The following ZNF396 variants were observed in gnomAD, a reference collection of about 807,000 sequenced individuals.
The protein encoded by ZNF396 is zinc finger protein 396.
In ZNF396, 14 loss-of-function variants were observed where a neutral mutation model predicts 20.5. That is an observed-to-expected ratio of 0.68 (90% confidence interval 0.45 to 1.07). The LOEUF is 1.07. Among genes scored for constraint, ZNF396 ranks in the 50% least tolerant of loss-of-function variants. The pLI, the probability that ZNF396 is intolerant of heterozygous loss-of-function variation, is 0.00. For missense variants in ZNF396, 347 were observed against 390.1 expected (o/e 0.89, Z 0.93); for synonymous variants, 119 against 140.6 (o/e 0.85, Z 1.08).
chr18:35,373,258 T>G, intron 3 of ZNF396, 198 bp downstream of exon 3: 1 of 615,204 alleles, frequency 1.6e-6, no homozygotes, highest in African/African-American at 1.9e-5. Flanking sequence ...GTCTGAAGAT[T>G]TTATAAGAAT....
chr18:35,374,485 A>C lies in ZNF396; in HGVS notation c.-72-121T>G. ...AACTACTGACCTTAGTCTTAACAGA[A>C]ACCATGCTTTTATTTATTTATTTAT... is the stretch of plus-strand genomic sequence containing the variant. On this transcript the variant is annotated intron_variant, in intron 1 of 3. Coordinates refer to ENST00000589332, the MANE Select transcript of ZNF396 (RefSeq NM_001322286.2). The surrounding 1 kb of genome is among the most constrained non-coding windows in gnomAD (Gnocchi z 4.3). 2.0e-6 allele frequency: 1 copy of C among 507,828 alleles called. No individual in the cohort carries two copies. Among genetic ancestry groups the C allele is most frequent in the South Asian group, 2.9e-5 (1 of 34,716 alleles). The allele number at this position is 507,828 out of a possible 1,614,324, so 31.5% of individuals were successfully genotyped here.
Position 35,369,391 on chromosome 18 carries a change from G to C in ZNF396, c.832C>G (p.Pro278Ala). The change falls in exon 4 of 4, where the codon CCT (proline) becomes GCT (alanine). Residue 278 changes from proline (P) to alanine (A), a missense_variant. Pro to Ala is a conservative substitution (Grantham distance 27). Transcript: ENST00000589332. Reference protein sequence around the residue: ...LHQRIHSGKKPYACDECAKAF... With the variant: ...LHQRIHSGKKAYACDECAKAF... ...TTTGCACACTCGTCACATGCATAAG[G>C]TTTCTTTCCACTGTGGATTCTCTGA... The C allele has an allele frequency of 6.2e-7, 1 of 1,614,160 alleles. No homozygotes were observed. Among genetic ancestry groups the C allele is most frequent in the East Asian group, 2.2e-5 (1 of 44,890 alleles).
At chr18:35,376,969 C>T (rs1474123934) in intron 1 of ZNF396, among the ~76,000 whole-genome samples, 8 of 152,086 alleles carry the variant, frequency 5.3e-5, no homozygotes, top group African/African-American at 1.9e-4. Flanking sequence ...CCGCGCCCAC[C>T]GCGCCGCGCC....
In ZNF396 at chr18:35,367,582, A is replaced by C. The variant is rs1406353333; in HGVS notation, c.*1633T>G. Reference sequence around the variant, plus strand: ...GTAACATTACAGAGTTTTATCAAGAATCTCTGGAAAATAGATAATTTTGTT... The same window carrying C: ...GTAACATTACAGAGTTTTATCAAGACTCTCTGGAAAATAGATAATTTTGTT... On this transcript the variant is annotated 3_prime_UTR_variant, in exon 4 of 4. Transcript: ENST00000589332. 6.6e-6 allele frequency: 1 copy of C among 152,216 alleles called. No homozygotes were observed. Among genetic ancestry groups the C allele is most frequent in the African/African-American group, 2.4e-5 (1 of 41,464 alleles). The allele number at this position is 152,216 out of a possible 1,614,324, so 9.4% of individuals were successfully genotyped here.
At position 35,368,518 on chromosome 18, in the gene ZNF396, T is replaced by TTTA; in HGVS notation, c.*696_*697insTAA. On this transcript the variant is annotated 3_prime_UTR_variant, in exon 4 of 4. Coordinates refer to ENST00000589332, the MANE Select transcript of ZNF396 (RefSeq NM_001322286.2). ...TATTTATTTATTTATTTATTTATTT[T>TTTA]AAAGACGGAGTCTTGCTCTGTCTGA... is the stretch of plus-strand genomic sequence containing the variant. 1.8e-6 allele frequency: 1 copy of TTTA among 556,004 alleles called. No homozygotes were observed. 34.4% of individuals were successfully genotyped at this position (556,004 alleles called of 1,614,324 possible).
chr18:35,368,285 CG>C lies in ZNF396; in HGVS notation c.*929del. 1 of 915,530 alleles carries C rather than the reference CG, an allele frequency of 1.1e-6. No homozygotes were observed. Among genetic ancestry groups the C allele is most frequent in the South Asian group, 2.9e-5 (1 of 34,974 alleles). 56.7% of individuals were successfully genotyped at this position (915,530 alleles called of 1,614,324 possible). The stretch of plus-strand genomic sequence containing the variant: ...CAAAGGAGATTATTTTTTTCCAACA[CG>C]GGAAATTAACTTGATATTAATAGTA... On this transcript the variant is annotated 3_prime_UTR_variant, in exon 4 of 4. Coordinates refer to ENST00000589332, the MANE Select transcript of ZNF396 (RefSeq NM_001322286.2).
Position 35,369,038 on chromosome 18 carries a change from G to A in ZNF396, c.*177C>T. On this transcript the variant is annotated 3_prime_UTR_variant, in exon 4 of 4. Coordinates refer to ENST00000589332, the MANE Select transcript of ZNF396 (RefSeq NM_001322286.2). ...AGAATTGAGACTGCATTGATAAGCA[G>A]AAAAGCAAATAATGCTGACCTGAGA... The A allele has an allele frequency of 7.2e-7, 1 of 1,381,232 alleles. No individual in the cohort carries two copies. The highest frequency in any genetic ancestry group is 1.9e-5 in the South Asian group (1 of 52,360). 85.6% of individuals were successfully genotyped at this position (1,381,232 alleles called of 1,614,324 possible).
At chr18:35,373,331 GT>G (rs1239391966) in intron 3 of ZNF396, 124 bp downstream of exon 3, 2 of 1,145,542 alleles carry the variant, frequency 1.7e-6, no homozygotes, top group Non-Finnish European at 2.3e-6. Flanking sequence ...AATAACAGAA[GT>G]TCCCACAGTA....
Position 35,369,207 on chromosome 18 carries a change from C to T in ZNF396, c.*8G>A, listed in dbSNP as rs754715844. The T allele has an allele frequency of 6.5e-7, 1 of 1,543,260 alleles. No individual in the cohort carries two copies. Among genetic ancestry groups the T allele is most frequent in the Non-Finnish European group, 8.7e-7 (1 of 1,145,666 alleles). ...CTCTGAGTAAATGCTTTGATTCCCT[C>T]ATGATACTTATGGGACTTTTTTTCT... is the stretch of plus-strand genomic sequence containing the variant. On this transcript the variant is annotated 3_prime_UTR_variant, in exon 4 of 4. Coordinates refer to ENST00000589332, the MANE Select transcript of ZNF396 (RefSeq NM_001322286.2).
intron 1 of ZNF396, chr18:35,376,168 C>T (rs1015312430): frequency 2.6e-5 from 4 of 152,170 alleles, no homozygotes; most frequent in African/African-American, 9.7e-5. Context: ...TGCCATTTGA[C>T]TTATTTTCTC....
In ZNF396 at chr18:35,369,774, G is replaced by A. The variant is rs988162646; in HGVS notation, c.563-114C>T. 1.8e-5 allele frequency: 20 copies of A among 1,110,584 alleles called. No individual in the cohort carries two copies. In the Middle Eastern group the frequency reaches 9.0e-4, roughly 50 times the overall value. 68.8% of individuals were successfully genotyped at this position (1,110,584 alleles called of 1,614,324 possible). A position where few individuals can be genotyped will look rare whatever the true frequency, so the allele number is the denominator to read the frequency against. ...ACACACAATGTGAAGGACGGAGAGT[G>A]TAAGACAAAATATTGAGAAGTTTAT... On this transcript the variant is annotated intron_variant, in intron 3 of 3. Coordinates refer to ENST00000589332, the MANE Select transcript of ZNF396 (RefSeq NM_001322286.2).
At chr18:35,371,927 T>A (rs115511684) in intron 3 of ZNF396, 64 of 152,308 alleles carry the variant, frequency 4.2e-4, no homozygotes, top group African/African-American at 1.4e-3. Flanking sequence ...CAATGATTAG[T>A]CATTACTATC....
In ZNF396 at chr18:35,375,308, A is replaced by AC. The variant is rs1555631336; in HGVS notation, c.-72-945_-72-944insG. Among the ~76,000 whole-genome samples, 3 of 145,476 alleles carry AC rather than the reference A, an allele frequency of 2.1e-5. 1 individual carries two copies. Among genetic ancestry groups the AC allele is most frequent in the Non-Finnish European group, 3.0e-5 (2 of 66,672 alleles). On this transcript the variant is annotated intron_variant, in intron 1 of 3. Transcript: ENST00000589332. ...CCACCAAAAAAAAAAAAAAAAGAAA[A>AC]AACAACAAAAAAGGCAATCACGTTC...
intron 3 of ZNF396, chr18:35,372,644 G>A (rs369348877): frequency 1.3e-5 from 2 of 152,076 alleles, no homozygotes; most frequent in South Asian, 2.1e-4. Context: ...CTCAAATGTC[G>A]CTTCATCAGA....
Position 35,369,388 on chromosome 18 carries a change from A to G in ZNF396, c.835T>C (p.Tyr279His), listed in dbSNP as rs2045141369. ...GCCTTTGCACACTCGTCACATGCATAAGGTTTCTTTCCACTGTGGATTCTC... is the reference window on the plus strand; with the variant it reads ...GCCTTTGCACACTCGTCACATGCATGAGGTTTCTTTCCACTGTGGATTCTC... ...HQRIHSGKKP[Y>H]ACDECAKAFS... is the part of the protein sequence containing the mutation. Residue 279 changes from tyrosine (Y) to histidine (H), a missense_variant, in exon 4 of 4, where the codon TAT (tyrosine) becomes CAT (histidine). Transcript: ENST00000589332. 6.2e-7 allele frequency: 1 copy of G among 1,614,070 alleles called. No homozygotes were observed. The highest frequency in any genetic ancestry group is 8.5e-7 in the Non-Finnish European group (1 of 1,180,040).
intron 3 of ZNF396, chr18:35,372,170 A>G (rs2045192112): frequency 6.6e-6 from 1 of 152,224 alleles, no homozygotes; most frequent in Non-Finnish European, 1.5e-5. Context: ...AAAGGCCTCC[A>G]TGAGGACATT....
Position 35,373,437 on chromosome 18 carries a change from CT to C in ZNF396, c.562+18del, listed in dbSNP as rs2045210758. The C allele has an allele frequency of 6.2e-7, 1 of 1,610,500 alleles. No homozygotes were observed. The highest frequency in any genetic ancestry group is 1.7e-5 in the Admixed American group (1 of 59,486). Reference sequence around the variant, plus strand: ...GGGCCCCCACACCTTCCAACATGAACTGAATCCTGCCCCCTCACCATGTGGT... The same window carrying C: ...GGGCCCCCACACCTTCCAACATGAACGAATCCTGCCCCCTCACCATGTGGT... On this transcript the variant is annotated intron_variant, in intron 3 of 3. Coordinates refer to ENST00000589332, the MANE Select transcript of ZNF396 (RefSeq NM_001322286.2).
chr18:35,374,302 C>T lies in ZNF396; in HGVS notation c.-10G>A. 1 of 1,610,410 alleles carries T rather than the reference C, an allele frequency of 6.2e-7. No individual in the cohort carries two copies. On this transcript the variant is annotated 5_prime_UTR_variant, in exon 2 of 4. Transcript: ENST00000589332. The surrounding 1 kb of genome is among the most constrained non-coding windows in gnomAD (Gnocchi z 4.3). ...CCAATTTTGCAGACATTTTGACAGA[C>T]AAATAGCTCAGTACTGTTAGGCTTT...
chr18:35,369,954 G>C (rs2045150707), intron 3 of ZNF396, among the ~76,000 whole-genome samples: 1 of 152,140 alleles, frequency 6.6e-6, no homozygotes, highest in South Asian at 2.1e-4. Flanking sequence ...TTAGAAAGAA[G>C]AAATGATTGG....
Sources: gnomAD v4.1 joint callset for allele counts (sites outside exome capture counted in the v4.1 genomes callset) on GRCh38, gnomAD v4.1.1 for gene constraint, Gnocchi (gnomAD v3.1) non-coding constraint, MANE v1.5 for transcripts, NCBI Gene and HGNC (gene_info 2026-07-23, HGNC 2026-07-21) for gene names.